The following ITGB4 variants were observed in gnomAD, a reference collection of about 807,000 sequenced individuals.
The protein encoded by ITGB4 is integrin subunit beta 4.
In ITGB4, 159 loss-of-function variants were observed where a neutral mutation model predicts 207.6. The observed-to-expected ratio is 0.77, with a 90% confidence interval of 0.67 to 0.87. The LOEUF is 0.87. ITGB4 is among the 40% of genes least tolerant of loss of function. The pLI is 0.00. For missense variants in ITGB4, 2,278 were observed against 2,546.8 expected, an observed-to-expected ratio of 0.89 and a Z score of 2.27; for synonymous variants, 1,020 against 1,062.7, an observed-to-expected ratio of 0.96 and a Z score of 0.78.
chr17:75,753,914 G>C lies in ITGB4; in HGVS notation c.4258G>C (p.Gly1420Arg). The C allele has an allele frequency of 2.3e-6, 3 of 1,287,012 alleles. No homozygotes were observed. Among genetic ancestry groups the C allele is most frequent in the Non-Finnish European group, 2.9e-6 (3 of 1,023,514 alleles). The allele number at this position is 1,287,012 out of a possible 1,614,324, so 79.7% of individuals were successfully genotyped here. ...AEAPHGPPDD[G>R]GAGGKGGSLP... is the part of the protein sequence containing the mutation. ...GGCGCCCCACGGGCCCCCGGACGACGGCGGCGCGGGCGGGAAGGGCGGCAG... is the reference window on the plus strand; with the variant it reads ...GGCGCCCCACGGGCCCCCGGACGACCGCGGCGCGGGCGGGAAGGGCGGCAG... The change falls in exon 33 of 40, where the codon GGC (glycine) becomes CGC (arginine). Residue 1420 changes from glycine (G) to arginine (R), a missense_variant. Coordinates refer to ENST00000200181, the MANE Select transcript of ITGB4 (RefSeq NM_000213.5).
At position 75,757,742 on chromosome 17, in the gene ITGB4, T is replaced by C. The variant is rs1020955827; in HGVS notation, c.*187T>C. Reference sequence around the variant, plus strand: ...TCCGTCCTCTGTGGGCCCAAACCTATTTGTAACCAAAGAGCTGGGAGCAGC... The same window carrying C: ...TCCGTCCTCTGTGGGCCCAAACCTACTTGTAACCAAAGAGCTGGGAGCAGC... On this transcript the variant is annotated 3_prime_UTR_variant, in exon 40 of 40. Transcript: ENST00000200181. 7 of 774,844 alleles carry C rather than the reference T, an allele frequency of 9.0e-6. No individual in the cohort carries two copies. Among genetic ancestry groups the C allele is most frequent in the Non-Finnish European group, 1.5e-5 (7 of 471,156 alleles). The allele number at this position is 774,844 out of a possible 1,614,324, so 48.0% of individuals were successfully genotyped here.
At position 75,740,452 on chromosome 17, in the gene ITGB4, G is replaced by A. The variant is rs370045621; in HGVS notation, c.2541G>A (p.Val847=). ...TRECAQLRQE[V]EENLNEVYRQ... is the part of the protein sequence containing the mutation. The stretch of plus-strand genomic sequence containing the variant: ...AGTGCGCCCAGCTGCGCCAGGAGGT[G>A]GAGGAGAACGTAAGGACCCAGGAAC... The change falls in exon 21 of 40, where the codon GTG becomes GTA. Residue 847 remains valine, a synonymous_variant. Coordinates refer to ENST00000200181, the MANE Select transcript of ITGB4 (RefSeq NM_000213.5). The surrounding 1 kb of genome is among the most constrained non-coding windows in gnomAD (Gnocchi z 5.9). The A allele has an allele frequency of 8.1e-6, 13 of 1,613,450 alleles. No homozygotes were observed. Among genetic ancestry groups the A allele is most frequent in the South Asian group, 2.2e-5 (2 of 91,034 alleles).
intron 26 of ITGB4, among the ~76,000 whole-genome samples, chr17:75,748,463 A>T (rs2061283499): frequency 6.6e-6 from 1 of 152,112 alleles, no homozygotes; most frequent in African/African-American, 2.4e-5. Flanking sequence ...TGAAGTCAGG[A>T]GTTCGAGACC....
At position 75,731,996 on chromosome 17, in the gene ITGB4, G is replaced by C; in HGVS notation, c.1377+23G>C. Reference sequence around the variant, plus strand: ...CTGGTACAACGCAGCCCCGCAGGGCGGGAGGGGAGAGCTGAGCCAAGCACC... The same window carrying C: ...CTGGTACAACGCAGCCCCGCAGGGCCGGAGGGGAGAGCTGAGCCAAGCACC... On this transcript the variant is annotated intron_variant, in intron 11 of 39. Coordinates refer to ENST00000200181, the MANE Select transcript of ITGB4 (RefSeq NM_000213.5). This position sits in a 1 kb window ranked among gnomAD's most constrained non-coding sequence, Gnocchi z 6.8. 2.5e-6 allele frequency: 4 copies of C among 1,613,880 alleles called. No individual in the cohort carries two copies. The highest frequency in any genetic ancestry group is 3.4e-6 in the Non-Finnish European group (4 of 1,179,992).
At chr17:75,752,778 C>T (rs1188259307) in intron 32 of ITGB4, among the ~76,000 whole-genome samples, 3 of 152,194 alleles carry the variant, frequency 2.0e-5, no homozygotes, top group African/African-American at 7.2e-5. Flanking sequence ...CAGCCTTGTG[C>T]AAGCGCACAT....
chr17:75,754,011 AC>A, intron 33 of ITGB4, 37 bp downstream of exon 33: 1 of 952,760 alleles, frequency 1.0e-6, no homozygotes, highest in Non-Finnish European at 1.4e-6. Flanking sequence ...ATCCGCGCCC[AC>A]CCAGCCTCAC....
rs762393419 is a variant in ITGB4 at position 75,742,525 on chromosome 17, C to T, written c.2782+36C>T. ...GGGTCCGCTGTGCCACTGCCTCGCA[C>T]CTCCCGCCTGTGTGGCCCTGTGACC... On this transcript the variant is annotated intron_variant, in intron 24 of 39. Transcript: ENST00000200181. The surrounding 1 kb of genome is among the most constrained non-coding windows in gnomAD (Gnocchi z 5.9). 8 of 1,613,380 alleles carry T rather than the reference C, an allele frequency of 5.0e-6. 1 individual carries two copies. The highest frequency in any genetic ancestry group is 4.4e-5 in the South Asian group (4 of 91,068).
In ITGB4 at chr17:75,742,285, G is replaced by A. The variant is rs1027682574; in HGVS notation, c.2634-56G>A. ...GGGAGAAGACAGGCAGGAGGGACAG[G>A]GCAGCAGGTGCCAGCCTGACCCCTC... On this transcript the variant is annotated intron_variant, in intron 23 of 39. Coordinates refer to ENST00000200181, the MANE Select transcript of ITGB4 (RefSeq NM_000213.5). The surrounding 1 kb of genome is among the most constrained non-coding windows in gnomAD (Gnocchi z 5.9). 5.6e-6 allele frequency: 9 copies of A among 1,609,320 alleles called. No homozygotes were observed. The highest frequency in any genetic ancestry group is 5.3e-5 in the African/African-American group (4 of 74,954).
At chr17:75,741,220 C>T in intron 23 of ITGB4, 4 of 647,142 alleles carry the variant, frequency 6.2e-6, no homozygotes, top group Middle Eastern at 4.2e-4. Context: ...TGGACTAGAG[C>T]AGGCAAAAGC....
At chr17:75,725,071 G>A (rs934807628) in intron 2 of ITGB4, among the ~76,000 whole-genome samples, 1 of 152,202 alleles carries the variant, frequency 6.6e-6, no homozygotes, top group African/African-American at 2.4e-5. Context: ...TGAGGCCCCA[G>A]AGGTGTAGTC....
rs138707718 is a variant in ITGB4, at chr17:75,757,294, C to T, written c.5313C>T (p.Thr1771=). Residue 1771 remains threonine (T), a synonymous_variant, in exon 39 of 40, where the codon ACC becomes ACT. Transcript: ENST00000200181. Reference sequence around the variant, plus strand: ...TCACCACCACCCACACCAGCGCCACCGAGCCCTTCCTAGTGGGTGAGCACT... The same window carrying T: ...TCACCACCACCCACACCAGCGCCACTGAGCCCTTCCTAGTGGGTGAGCACT... The part of the protein sequence containing the change: ...SSITTTHTSA[T]EPFLVDGLTL... 2.7e-5 allele frequency: 43 copies of T among 1,611,988 alleles called. No individual in the cohort carries two copies. The highest frequency in any genetic ancestry group is 6.7e-5 in the African/African-American group (5 of 74,898).
In ITGB4 at chr17:75,728,271, G is replaced by A. The variant is rs1035307265; in HGVS notation, c.470-106G>A. The stretch of plus-strand genomic sequence containing the variant: ...TGAACCTTTGTCCAGCATGCAAAGC[G>A]TTAACCTCCCTCTTCCTCCCTTCTG... On this transcript the variant is annotated intron_variant, in intron 5 of 39. Transcript: ENST00000200181. 19 of 885,524 alleles carry A rather than the reference G, an allele frequency of 2.1e-5. 1 individual carries two copies. Among genetic ancestry groups the A allele is most frequent in the African/African-American group, 1.1e-4 (7 of 60,984 alleles). 54.9% of individuals were successfully genotyped at this position (885,524 alleles called of 1,614,324 possible).
intron 2 of ITGB4, 46 bp downstream of exon 2, chr17:75,724,828 T>C (rs1281970334): frequency 2.0e-6 from 3 of 1,511,682 alleles, no homozygotes; most frequent in African/African-American, 1.4e-5. Flanking sequence ...GGATCATCCC[T>C]TGGGCAGGCA....
intron 34 of ITGB4, chr17:75,755,141 T>A (rs761793204): frequency 1.2e-6 from 2 of 1,611,564 alleles, no homozygotes; most frequent in South Asian, 1.1e-5. Context: ...GATGAAAGGG[T>A]TCCCCCCTTC....
In ITGB4 at chr17:75,749,628, A is replaced by G. The variant is rs150265226; in HGVS notation, c.3317-483A>G. 5.4e-4 allele frequency among the ~76,000 whole-genome samples: 82 copies of G among 152,318 alleles called. 1 individual carries two copies. In the East Asian group the frequency reaches 0.015, roughly 27 times the overall value. On this transcript the variant is annotated intron_variant, in intron 27 of 39. Coordinates refer to ENST00000200181, the MANE Select transcript of ITGB4 (RefSeq NM_000213.5). ...CAGCTAGAGAGGCTGTTGTCACCAC[A>G]CAATAGGAATTCTCCCATCAGACCC... is the stretch of plus-strand genomic sequence containing the variant.
rs2061126707 is a variant in ITGB4, at chr17:75,742,224, T to C, written c.2634-117T>C. 5 of 1,325,506 alleles carry C rather than the reference T, an allele frequency of 3.8e-6. No homozygotes were observed. Among genetic ancestry groups the C allele is most frequent in the Non-Finnish European group, 5.3e-6 (5 of 938,224 alleles). 82.1% of individuals were successfully genotyped at this position (1,325,506 alleles called of 1,614,324 possible). On this transcript the variant is annotated intron_variant, in intron 23 of 39. Coordinates refer to ENST00000200181, the MANE Select transcript of ITGB4 (RefSeq NM_000213.5). The surrounding 1 kb of genome is among the most constrained non-coding windows in gnomAD (Gnocchi z 5.9). ...GAGCACTGCCTGCCTCTGAAGACCC[T>C]GCACTTCTTGCTGTCTTACATCCTG...
At chr17:75,754,062 G>A (rs2061430755) in intron 33 of ITGB4, 88 bp downstream of exon 33, 4 of 593,790 alleles carry the variant, frequency 6.7e-6, no homozygotes, top group Admixed American at 8.1e-5. Flanking sequence ...GCGCTGCCTC[G>A]GGGGCCCCAG....
At chr17:75,748,494 A>AC (rs1395765050) in intron 26 of ITGB4, among the ~76,000 whole-genome samples, 9 of 151,946 alleles carry the variant, frequency 5.9e-5, no homozygotes, top group Middle Eastern at 3.4e-3. Context: ...ACATAGTGAA[A>AC]CCCCATCTCT....
At position 75,740,896 on chromosome 17, in the gene ITGB4, C is replaced by G. The variant is rs369454783; in HGVS notation, c.2609+45C>G. The G allele has an allele frequency of 6.2e-7, 1 of 1,612,350 alleles. No homozygotes were observed. Among genetic ancestry groups the G allele is most frequent in the African/African-American group, 1.3e-5 (1 of 74,918 alleles). ...GGTTGGGTGGGGGAGCCGCTCCTAC[C>G]GGGACTCCAGGAGCCGAAGCCCCCA... On this transcript the variant is annotated intron_variant, in intron 22 of 39. Transcript: ENST00000200181. This position sits in a 1 kb window ranked among gnomAD's most constrained non-coding sequence, Gnocchi z 5.9.
Sources: allele counts gnomAD v4.1 joint callset (sites outside exome capture counted in the v4.1 genomes callset), GRCh38; gene constraint gnomAD v4.1.1; non-coding constraint Gnocchi (gnomAD v3.1); transcripts MANE v1.5; gene names NCBI Gene and HGNC (gene_info 2026-07-23, HGNC 2026-07-21).